Variants in AXIN1 observed in about 807,000 individuals in gnomAD.
AXIN1 encodes axin 1.
Under a neutral mutation model 76.4 loss-of-function variants are expected in AXIN1, and 30 were observed. The ratio of observed to expected loss-of-function variants is 0.39; its 90% CI spans 0.29 to 0.53. The LOEUF is 0.53. AXIN1 is among the 20% of genes least tolerant of loss of function. The pLI is 0.66. For synonymous variants in AXIN1, 545 were observed against 501.4 expected, an observed-to-expected ratio of 1.09 and a Z score of -1.16; for missense variants, 1,140 against 1,198.8, an observed-to-expected ratio of 0.95 and a Z score of 0.72.
intron 4 of AXIN1, among the ~76,000 whole-genome samples, chr16:308,299 C>G (rs761062515): frequency 6.6e-6 from 1 of 152,220 alleles, no homozygotes; most frequent in Non-Finnish European, 1.5e-5. Context: ...GTGTTGCATC[C>G]TGAGAGGTCT....
chr16:346,041 A>T, intron 2 of AXIN1, 107 bp downstream of exon 2: 1 of 1,086,498 alleles, frequency 9.2e-7, no homozygotes, highest in Non-Finnish European at 1.4e-6. Context: ...CAGCGGCAGC[A>T]GGACATCCGG....
chr16:342,681 G>A (rs77879506), intron 2 of AXIN1, among the ~76,000 whole-genome samples: 3,963 of 152,314 alleles, frequency 0.026, 176 homozygotes, highest in African/African-American at 0.091. Context: ...AGCGGCACAC[G>A]TGCCCTCCTC....
chr16:304,566 GCT>G (rs1193834746), intron 4 of AXIN1, 125 bp from the exon 5 acceptor site: 2 of 1,433,372 alleles, frequency 1.4e-6, no homozygotes, highest in African/African-American at 1.4e-5. Context: ...ACAAACTCTT[GCT>G]CTGTCACCCA....
At chr16:324,852 A>C (rs2053544412) in intron 2 of AXIN1, among the ~76,000 whole-genome samples, 1 of 152,186 alleles carries the variant, frequency 6.6e-6, no homozygotes, top group Admixed American at 6.5e-5. Flanking sequence ...CCAGCCCCCG[A>C]GTCCCGCGCA....
At position 297,874 on chromosome 16, in the gene AXIN1, G is replaced by A. The variant is rs2141510758; in HGVS notation, c.1632C>T (p.Ala544=). The change falls in exon 6 of 11, where the codon GCC becomes GCT. Residue 544 remains alanine, a synonymous_variant. Transcript: ENST00000262320. ...CGGCCTCCACCTGCTCCTTGGGCCG[G>A]GCTGTGCTGTGGTGGACGTGGTGGT... ...HVHHHVHHST[A]RPKEQVEAEA... is the part of the protein sequence containing the mutation. 6.3e-7 allele frequency: 1 copy of A among 1,587,342 alleles called. No individual in the cohort carries two copies.
At chr16:326,369 A>AT (rs1567292723) in intron 2 of AXIN1, among the ~76,000 whole-genome samples, 302 of 99,570 alleles carry the variant, frequency 3.0e-3, no homozygotes, top group Non-Finnish European at 3.9e-3. Context: ...AAAAAAAAAA[A>AT]AAAATATATA....
chr16:289,663 C>A, intron 9 of AXIN1, 56 bp from the exon 10 acceptor site: 1 of 1,602,516 alleles, frequency 6.2e-7, no homozygotes, highest in Non-Finnish European at 8.5e-7. Context: ...CCCACAGGGT[C>A]CCTCCTGCTG....
At chr16:300,137 T>A (rs1446690566) in intron 5 of AXIN1, among the ~76,000 whole-genome samples, 1 of 152,052 alleles carries the variant, frequency 6.6e-6, no homozygotes, top group Non-Finnish European at 1.5e-5. Context: ...AGACTGGGTT[T>A]CACCCTGTTT....
At position 297,955 on chromosome 16, in the gene AXIN1, T is replaced by G. The variant is rs764583817; in HGVS notation, c.1551A>C (p.Val517=). 6.1e-5 allele frequency: 98 copies of G among 1,603,212 alleles called. No individual in the cohort carries two copies. Among genetic ancestry groups the G allele is most frequent in the Non-Finnish European group, 8.1e-5 (95 of 1,176,870 alleles). Residue 517 remains valine, a synonymous_variant, in exon 6 of 11, where the codon GTA becomes GTC. Transcript: ENST00000262320. The part of the protein sequence containing the change: ...GGAASGHGKH[V]PKSGAKLDAA... ...CGTCCAGCTTCGCCCCTGACTTGGG[T>G]ACGTGCTTCCCGTGCCCCGAGGCGG...
chr16:288,834 C>T (rs1013559849), intron 10 of AXIN1, among the ~76,000 whole-genome samples: 1 of 152,210 alleles, frequency 6.6e-6, no homozygotes, highest in African/African-American at 2.4e-5. Flanking sequence ...GGCAAAAGCA[C>T]ATGAGTCCAG....
chr16:317,045 C>A (rs532583599), intron 2 of AXIN1, among the ~76,000 whole-genome samples: 5 of 152,218 alleles, frequency 3.3e-5, no homozygotes, highest in African/African-American at 4.8e-5. Context: ...TGCAAGCACA[C>A]CTGCGCATCA....
Position 314,559 on chromosome 16 carries a change from G to A in AXIN1, c.1003C>T (p.Leu335Phe), listed in dbSNP as rs760111699. 3 of 1,613,854 alleles carry A rather than the reference G, an allele frequency of 1.9e-6. No individual in the cohort carries two copies. Among genetic ancestry groups the A allele is most frequent in the Non-Finnish European group, 2.5e-6 (3 of 1,179,896 alleles). ...SLSSDADTLS[L>F]TDSSVDGIPP... ...GGGACTTACACGCTGCTGTCCGTGA[G>A]GGACAGGGTGTCTGCATCGCTGGAC... The change falls in exon 3 of 11, where the codon CTC (leucine) becomes TTC (phenylalanine). Residue 335 changes from leucine (L) to phenylalanine (F), a missense_variant. Transcript: ENST00000262320.
intron 5 of AXIN1, chr16:299,023 T>A (rs554708755): frequency 2.1e-6 from 2 of 960,466 alleles, no homozygotes; most frequent in African/African-American, 1.8e-5. Flanking sequence ...CACCTCGGCC[T>A]CCCAAAGTGT....
chr16:298,808 A>G, intron 5 of AXIN1, among the ~76,000 whole-genome samples: 1 of 150,996 alleles, frequency 6.6e-6, no homozygotes, highest in Admixed American at 6.6e-5. Context: ...TTGCTCTGTT[A>G]CCCAGGCTGG....
chr16:340,954 C>T (rs902995168), intron 2 of AXIN1, among the ~76,000 whole-genome samples: 5 of 152,240 alleles, frequency 3.3e-5, no homozygotes, highest in Non-Finnish European at 7.3e-5. Flanking sequence ...CCGTGCTGGA[C>T]CGCAGCAGCC....
intron 2 of AXIN1, among the ~76,000 whole-genome samples, chr16:329,879 C>G (rs1488070908): frequency 6.6e-6 from 1 of 151,380 alleles, no homozygotes. Context: ...GTGATCCACC[C>G]GCCTCAGCCT....
At chr16:310,276 G>A (rs1428274061) in intron 3 of AXIN1, among the ~76,000 whole-genome samples, 1 of 152,242 alleles carries the variant, frequency 6.6e-6, no homozygotes, top group African/African-American at 2.4e-5. Flanking sequence ...CACACGTGAT[G>A]GTAAAGCCCA....
chr16:333,195 G>C (rs1250557697), intron 2 of AXIN1, among the ~76,000 whole-genome samples: 1 of 152,052 alleles, frequency 6.6e-6, no homozygotes, highest in Non-Finnish European at 1.5e-5. Context: ...AGCTGGGTGT[G>C]GTGGCGCATG....
intron 2 of AXIN1, among the ~76,000 whole-genome samples, chr16:330,943 C>A (rs1416413912): frequency 6.6e-6 from 1 of 152,140 alleles, no homozygotes; most frequent in Non-Finnish European, 1.5e-5. Context: ...TGCAATCTGC[C>A]CTATTGCTCC....
Sources: gnomAD v4.1 joint callset for allele counts (sites outside exome capture counted in the v4.1 genomes callset) on GRCh38, gnomAD v4.1.1 for gene constraint, MANE v1.5 for transcripts, NCBI Gene and HGNC (gene_info 2026-07-23, HGNC 2026-07-21) for gene names.